DIO2: variants seen among roughly 807,000 people sequenced by gnomAD.
DIO2 encodes iodothyronine deiodinase 2.
In DIO2, 19 loss-of-function variants were observed where a neutral mutation model predicts 21.4. The observed-to-expected ratio is 0.89, with a 90% CI of 0.62 to 1.30. The LOEUF (loss-of-function observed/expected upper bound fraction) is 1.30, where lower values mean the gene tolerates loss of function less well. Ranked by LOEUF, DIO2 falls within the 50% of genes most tolerant of loss-of-function variation. The pLI, the probability that DIO2 is intolerant of heterozygous loss-of-function variation, is 0.00. For missense variants in DIO2, 302 were observed against 338.1 expected, an observed-to-expected ratio of 0.89 and a Z score of 0.84; for synonymous variants, 122 against 132.9, an observed-to-expected ratio of 0.92 and a Z score of 0.57.
intron 1 of DIO2, among the ~76,000 whole-genome samples, chr14:80,208,566 C>A (rs1882335321): frequency 6.6e-6 from 1 of 152,122 alleles, no homozygotes. Flanking sequence ...TGAGCACACA[C>A]CCCTCTCATC....
rs1023725648 is a variant in DIO2, at chr14:80,199,538, T to A, written c.*3151A>T. ...ACATTTTAATAGCTGTATGAAACAT[T>A]TCTACATTACTGTGCGGGCATCTCC... is the stretch of plus-strand genomic sequence containing the variant. On this transcript the variant is annotated 3_prime_UTR_variant, in exon 2 of 2. Transcript: ENST00000438257. 2 of 152,256 alleles carry A rather than the reference T, an allele frequency of 1.3e-5. No individual in the cohort carries two copies. The highest frequency in any genetic ancestry group is 1.3e-4 in the Admixed American group (2 of 15,268). The allele number at this position is 152,256 out of a possible 1,614,324, so 9.4% of individuals were successfully genotyped here. A position where few individuals can be genotyped will look rare whatever the true frequency, so the allele number is the denominator to read the frequency against.
At position 80,202,515 on chromosome 14, in the gene DIO2, T is replaced by C. The variant is rs1887770275; in HGVS notation, c.*174A>G. ...TGATATGGTTACTTACTCAGCCCAA[T>C]GCCATTTGAGTAGTGAAAGAAGTAT... On this transcript the variant is annotated 3_prime_UTR_variant, in exon 2 of 2. Transcript: ENST00000438257. 1.3e-6 allele frequency: 1 copy of C among 747,128 alleles called. No homozygotes were observed. Among genetic ancestry groups the C allele is most frequent in the Admixed American group, 2.3e-5 (1 of 42,702 alleles). The allele number at this position is 747,128 out of a possible 1,614,324, so 46.3% of individuals were successfully genotyped here.
At chr14:80,218,892 C>T (rs887101849) in intron 2 of DIO2, among the ~76,000 whole-genome samples, 5 of 152,076 alleles carry the variant, frequency 3.3e-5, no homozygotes, top group Non-Finnish European at 5.9e-5. Context: ...GCACGAGAAT[C>T]GCTTGAATCC....
At chr14:80,216,550 G>A (rs1888365728) in intron 3 of DIO2, 1 of 152,198 alleles carries the variant, frequency 6.6e-6, no homozygotes, top group African/African-American at 2.4e-5. Flanking sequence ...GAGACACCCA[G>A]AGTTTGGGAT....
chr14:80,223,865 C>A (rs1198757735), intron 2 of DIO2, among the ~76,000 whole-genome samples: 2 of 152,066 alleles, frequency 1.3e-5, no homozygotes, highest in African/African-American at 4.8e-5. Flanking sequence ...CTTTAGACAC[C>A]AAGTCAGTAC....
chr14:80,202,497 G>A lies in DIO2; in HGVS notation c.*192C>T. 2.7e-6 allele frequency: 2 copies of A among 738,056 alleles called. No homozygotes were observed. Among genetic ancestry groups the A allele is most frequent in the Non-Finnish European group, 4.8e-6 (2 of 419,560 alleles). 45.7% of individuals were successfully genotyped at this position (738,056 alleles called of 1,614,324 possible). ...TTTTACTAAGAAGAGAGGTGATATG[G>A]TTACTTACTCAGCCCAATGCCATTT... is the stretch of plus-strand genomic sequence containing the variant. On this transcript the variant is annotated 3_prime_UTR_variant, in exon 2 of 2. Coordinates refer to ENST00000438257, the MANE Select transcript of DIO2 (RefSeq NM_013989.5).
At position 80,202,153 on chromosome 14, in the gene DIO2, G is replaced by C. The variant is rs917782396; in HGVS notation, c.*536C>G. On this transcript the variant is annotated 3_prime_UTR_variant, in exon 2 of 2. Transcript: ENST00000438257. ...GAAGACTGAGAGCACTACATGGCTA[G>C]AAGCTGGAACATCAGAAATGACTCT... The C allele has an allele frequency of 2.8e-6, 1 of 357,532 alleles. No individual in the cohort carries two copies. Among genetic ancestry groups the C allele is most frequent in the Non-Finnish European group, 5.5e-6 (1 of 181,638 alleles). The allele number at this position is 357,532 out of a possible 1,614,324, so 22.1% of individuals were successfully genotyped here. A position where few individuals can be genotyped will look rare whatever the true frequency, so the allele number is the denominator to read the frequency against.
intron 1 of DIO2, 50 bp downstream of exon 1, chr14:80,211,201 A>G (rs1232693722): frequency 6.5e-7 from 1 of 1,547,104 alleles, no homozygotes; most frequent in South Asian, 1.1e-5. Flanking sequence ...CCAGCATATG[A>G]GCCCCTGCCC....
At position 80,200,931 on chromosome 14, in the gene DIO2, A is replaced by G. The variant is rs954988680; in HGVS notation, c.*1758T>C. The G allele has an allele frequency of 3.3e-5, 5 of 152,024 alleles. No individual in the cohort carries two copies. The highest frequency in any genetic ancestry group is 1.2e-4 in the African/African-American group (5 of 41,398). The allele number at this position is 152,024 out of a possible 1,614,324, so 9.4% of individuals were successfully genotyped here. On this transcript the variant is annotated 3_prime_UTR_variant, in exon 2 of 2. Transcript: ENST00000438257. ...GTATTTTCAACTTTAGTTTTTTTCTATCCATTTTATTTATTTTTTATTCAG... is the reference window on the plus strand; with the variant it reads ...GTATTTTCAACTTTAGTTTTTTTCTGTCCATTTTATTTATTTTTTATTCAG...
intron 1 of DIO2, among the ~76,000 whole-genome samples, 186 bp downstream of exon 1, chr14:80,211,065 A>G (rs1888165082): frequency 6.6e-6 from 1 of 152,166 alleles, no homozygotes; most frequent in African/African-American, 2.4e-5. Context: ...TTATGGCTTA[A>G]TAGCTGTCAC....
chr14:80,225,848 C>G (rs1332634551), intron 2 of DIO2, among the ~76,000 whole-genome samples: 2 of 152,124 alleles, frequency 1.3e-5, no homozygotes, highest in Non-Finnish European at 2.9e-5. Context: ...TCACTCCAGC[C>G]AACACTGTAA....
At chr14:80,222,805 G>C (rs1888491530) in intron 2 of DIO2, among the ~76,000 whole-genome samples, 1 of 150,996 alleles carries the variant, frequency 6.6e-6, no homozygotes, top group Non-Finnish European at 1.5e-5. Context: ...AACTATATAT[G>C]GTTATTTATT....
At position 80,202,334 on chromosome 14, in the gene DIO2, G is replaced by A. The variant is rs1278763204; in HGVS notation, c.*355C>T. On this transcript the variant is annotated 3_prime_UTR_variant, in exon 2 of 2. Coordinates refer to ENST00000438257, the MANE Select transcript of DIO2 (RefSeq NM_013989.5). The stretch of plus-strand genomic sequence containing the variant: ...TAACGTAGACAGTAGCTTCCCTAAT[G>A]TAGTAATTATTCAGGTAAGTCTTTT... The A allele has an allele frequency of 1.1e-5, 6 of 542,318 alleles. No individual in the cohort carries two copies. In the Admixed American group the frequency reaches 1.1e-4, roughly 10 times the overall value. 33.6% of individuals were successfully genotyped at this position (542,318 alleles called of 1,614,324 possible).
rs1887618022 is a variant in DIO2, at chr14:80,199,304, A to G, written c.*3385T>C. 6.6e-6 allele frequency: 1 copy of G among 152,246 alleles called. No individual in the cohort carries two copies. Among genetic ancestry groups the G allele is most frequent in the South Asian group, 2.1e-4 (1 of 4,832 alleles). The allele number at this position is 152,246 out of a possible 1,614,324, so 9.4% of individuals were successfully genotyped here. On this transcript the variant is annotated 3_prime_UTR_variant, in exon 2 of 2. Coordinates refer to ENST00000438257, the MANE Select transcript of DIO2 (RefSeq NM_013989.5). ...TTCTTCCCACTGTGATGAGAGAATA[A>G]GCACTTCCTGGTTAACGGGAGAAGA... is the stretch of plus-strand genomic sequence containing the variant.
At chr14:80,203,326 A>AGAT (rs1887823083) in intron 1 of DIO2, 38 bp from the exon 2 acceptor site, 1 of 1,489,448 alleles carries the variant, frequency 6.7e-7, no homozygotes, top group Non-Finnish European at 8.9e-7. Context: ...AAGAAGAAGA[A>AGAT]GGTGAGAATA....
At chr14:80,204,255 C>T (rs1156372301) in intron 1 of DIO2, among the ~76,000 whole-genome samples, 1 of 152,084 alleles carries the variant, frequency 6.6e-6, no homozygotes, top group East Asian at 1.9e-4. Context: ...CTCCAGAATT[C>T]TACTTTAAGT....
intron 1 of DIO2, chr14:80,205,598 T>C (rs1328741373): frequency 3.0e-6 from 4 of 1,328,762 alleles, no homozygotes; most frequent in Non-Finnish European, 3.9e-6. Flanking sequence ...GACTCTCTTA[T>C]TACCTGCAGT....
intron 1 of DIO2, chr14:80,206,268 CT>C: frequency 1.3e-6 from 2 of 1,582,014 alleles, no homozygotes; most frequent in Non-Finnish European, 1.7e-6. Flanking sequence ...CAGTAGTCTG[CT>C]TTTATAAGCT....
At chr14:80,221,420 A>G (rs1888462806) in intron 2 of DIO2, among the ~76,000 whole-genome samples, 1 of 152,222 alleles carries the variant, frequency 6.6e-6, no homozygotes. Context: ...TTAAAAAGGT[A>G]GAGACAGATA....
Sources: allele counts gnomAD v4.1 joint callset (sites outside exome capture counted in the v4.1 genomes callset), GRCh38; gene constraint gnomAD v4.1.1; transcripts MANE v1.5; gene names NCBI Gene and HGNC (gene_info 2026-07-23, HGNC 2026-07-21).